Variants in PCDH15 observed in about 807,000 individuals in gnomAD.
PCDH15 encodes protocadherin related 15.
Under a neutral mutation model 178.5 loss-of-function variants are expected in PCDH15, and 129 were observed. That is an observed-to-expected ratio of 0.72 (90% CI 0.63 to 0.84). The LOEUF is 0.84. PCDH15 is among the 40% of genes least tolerant of loss of function. The probability of loss-of-function intolerance (pLI) is 0.00; values close to 1 mark genes in which losing one functional copy is unlikely to be tolerated. For synonymous variants in PCDH15, 800 were observed against 732.0 expected, an observed-to-expected ratio of 1.09 and a Z score of -1.50; for missense variants, 2,230 against 2,099.9, an observed-to-expected ratio of 1.06 and a Z score of -1.21.
At chr10:54,762,887 A>G (rs182820683) in intron 1 of PCDH15, among the ~76,000 whole-genome samples, 1 of 152,294 alleles carries the variant, frequency 6.6e-6, no homozygotes, top group African/African-American at 2.4e-5. Flanking sequence ...TGTGAAACAC[A>G]TATTTTATAT....
In PCDH15 at chr10:55,315,734, T is replaced by G. The variant is rs549390968; in HGVS notation, c.-156+3865A>C. On this transcript the variant is annotated intron_variant, in intron 1 of 5. Transcript: ENST00000458638. ...AACTTTCTATAGAAATACAAATATT[T>G]TGGCTGGGCTTGGTGGCTCCTGCCT... 8.5e-5 allele frequency among the ~76,000 whole-genome samples: 13 copies of G among 152,250 alleles called. No homozygotes were observed. The East Asian group carries it at 2.5e-3, about 29-fold the overall frequency.
At chr10:55,171,062 C>A (rs564559406) in intron 1 of PCDH15, among the ~76,000 whole-genome samples, 2 of 152,250 alleles carry the variant, frequency 1.3e-5, no homozygotes, top group East Asian at 3.9e-4. Context: ...AGGGCACTGA[C>A]CTTAACTTTC....
upstream of PCDH15, among the ~76,000 whole-genome samples, chr10:54,803,086 C>T (rs1208827570): frequency 6.6e-6 from 1 of 152,100 alleles, no homozygotes; most frequent in Non-Finnish European, 1.5e-5. Flanking sequence ...AAAATGGAGT[C>T]ACTGTAATAT....
chr10:54,166,346 G>T (rs1241756247), intron 13 of PCDH15, among the ~76,000 whole-genome samples: 1 of 152,174 alleles, frequency 6.6e-6, no homozygotes. Context: ...ACTCCTTGAG[G>T]ATTAGGGCTG....
chr10:54,012,065 G>A (rs2092604401), intron 20 of PCDH15, among the ~76,000 whole-genome samples: 1 of 152,108 alleles, frequency 6.6e-6, no homozygotes, highest in Non-Finnish European at 1.5e-5. Context: ...ACAGGAGCTG[G>A]TAGATGAAAT....
chr10:54,110,055 T>C (rs2094988148), intron 15 of PCDH15, among the ~76,000 whole-genome samples: 1 of 152,092 alleles, frequency 6.6e-6, no homozygotes, highest in Admixed American at 6.6e-5. Context: ...ATGGTATTTG[T>C]GGCATGTAGT....
intron 2 of PCDH15, among the ~76,000 whole-genome samples, chr10:55,000,337 C>T (rs529139176): frequency 6.6e-6 from 1 of 152,300 alleles, no homozygotes; most frequent in Non-Finnish European, 1.5e-5. Flanking sequence ...ATATTTCTCC[C>T]ATTTGCTTTT....
At chr10:54,966,322 A>G (rs531498964) in intron 2 of PCDH15, among the ~76,000 whole-genome samples, 29 of 152,244 alleles carry the variant, frequency 1.9e-4, no homozygotes, top group African/African-American at 6.0e-4. Context: ...TTATCAAGCC[A>G]TAATTGACAT....
At chr10:55,270,440 G>GAAA (rs150541568) in intron 1 of PCDH15, among the ~76,000 whole-genome samples, 5 of 145,630 alleles carry the variant, frequency 3.4e-5, no homozygotes, top group African/African-American at 1.3e-4. Context: ...AAAACAAAAT[G>GAAA]AAAAAAAAAA....
chr10:54,486,490 TA>T (rs1346434980), intron 3 of PCDH15, among the ~76,000 whole-genome samples: 1 of 152,044 alleles, frequency 6.6e-6, no homozygotes, highest in African/African-American at 2.4e-5. Context: ...ACAGTTATAT[TA>T]AACTTAGATC....
intron 21 of PCDH15, among the ~76,000 whole-genome samples, chr10:53,972,578 T>C (rs535567907): frequency 4.1e-4 from 63 of 152,036 alleles, no homozygotes; most frequent in Non-Finnish European, 7.9e-4. Context: ...ACAAAGAACT[T>C]AAACAGATTT....
intron 2 of PCDH15, among the ~76,000 whole-genome samples, chr10:54,961,194 G>C (rs570610691): frequency 4.6e-5 from 7 of 152,312 alleles, no homozygotes; most frequent in Admixed American, 1.3e-4. Context: ...CAAATTTGTG[G>C]CTGAGCCAGG....
intron 2 of PCDH15, among the ~76,000 whole-genome samples, chr10:55,380,890 A>G (rs1837517783): frequency 6.6e-6 from 1 of 152,210 alleles, no homozygotes; most frequent in Non-Finnish European, 1.5e-5. Flanking sequence ...GACAAAAGTG[A>G]GATACAGAGA....
intron 8 of PCDH15, among the ~76,000 whole-genome samples, chr10:54,274,284 TA>T (rs758184909): frequency 1.3e-5 from 2 of 151,924 alleles, no homozygotes; most frequent in African/African-American, 2.4e-5. Context: ...CCCCTAAACT[TA>T]AAAGTTAAAA....
At chr10:53,887,774 A>G (rs1166799747) in intron 26 of PCDH15, among the ~76,000 whole-genome samples, 1 of 152,182 alleles carries the variant, frequency 6.6e-6, no homozygotes, top group Non-Finnish European at 1.5e-5. Context: ...CTGTAGTCCC[A>G]GATACTCGGG....
chr10:55,312,353 A>G (rs892837075), intron 1 of PCDH15, among the ~76,000 whole-genome samples: 12 of 152,246 alleles, frequency 7.9e-5, no homozygotes, highest in South Asian at 2.1e-4. Flanking sequence ...AAGGGTGAAA[A>G]TATTTTGCAT....
chr10:54,137,121 ATAG>A (rs539430189), intron 14 of PCDH15, among the ~76,000 whole-genome samples: 36 of 152,348 alleles, frequency 2.4e-4, no homozygotes, highest in Admixed American at 2.0e-3. Context: ...GCTGTAATAA[ATAG>A]TAGTATTTCA....
At chr10:54,028,938 T>A (rs918570040) in intron 18 of PCDH15, among the ~76,000 whole-genome samples, 68 of 134,176 alleles carry the variant, frequency 5.1e-4, no homozygotes, top group African/African-American at 1.8e-3. Flanking sequence ...TAAAGTATAA[T>A]AATAATAAAA....
At chr10:55,319,808 T>C (rs1262701984), upstream of PCDH15, among the ~76,000 whole-genome samples, 2 of 152,126 alleles carry the variant, frequency 1.3e-5, no homozygotes, top group Non-Finnish European at 2.9e-5. Flanking sequence ...GAACTCCAGA[T>C]GGTGCAGAGT....
Sources: allele counts gnomAD v4.1 joint callset (sites outside exome capture counted in the v4.1 genomes callset), GRCh38; gene constraint gnomAD v4.1.1; transcripts MANE v1.5; gene names NCBI Gene and HGNC (gene_info 2026-07-23, HGNC 2026-07-21).